Variants in RABGAP1 observed in about 807,000 individuals in gnomAD.
RABGAP1 encodes the protein RAB GTPase activating protein 1, also known as rab GTPase-activating protein 1.
RABGAP1 carries 23 observed loss-of-function variants against 137.6 expected under a neutral mutation model. The ratio of observed to expected loss-of-function variants is 0.17; its 90% CI spans 0.12 to 0.24. The LOEUF (loss-of-function observed/expected upper bound fraction) is 0.24. RABGAP1 is among the 10% of genes least tolerant of loss of function. The pLI, the probability that RABGAP1 is intolerant of heterozygous loss-of-function variation, is 1.00. For synonymous variants in RABGAP1, 451 were observed against 450.7 expected, an observed-to-expected ratio of 1.00 and a Z score of -0.01; for missense variants, 906 against 1,275.8, an observed-to-expected ratio of 0.71 and a Z score of 4.42.
At chr9:122,992,365 G>A (rs1216852579) in intron 6 of RABGAP1, among the ~76,000 whole-genome samples, 1 of 152,034 alleles carries the variant, frequency 6.6e-6, no homozygotes, top group Non-Finnish European at 1.5e-5. Context: ...AAATATTTAT[G>A]TAGTTTTGGT....
intron 10 of RABGAP1, 32 bp downstream of exon 10, chr9:122,998,798 G>T: frequency 2.9e-6 from 4 of 1,397,694 alleles, no homozygotes; most frequent in Non-Finnish European, 2.9e-6. Context: ...ATAGAAGGGG[G>T]AATAAGAAAG....
intron 21 of RABGAP1, among the ~76,000 whole-genome samples, chr9:123,095,992 T>C (rs1003590510): frequency 6.6e-6 from 1 of 152,206 alleles, no homozygotes; most frequent in Non-Finnish European, 1.5e-5. Context: ...TATAATCTAT[T>C]TGGGTGAATG....
intron 13 of RABGAP1, among the ~76,000 whole-genome samples, chr9:123,027,624 G>T (rs2032054237): frequency 6.6e-6 from 1 of 152,180 alleles, no homozygotes; most frequent in South Asian, 2.1e-4. Context: ...AATAAAAGGA[G>T]ATCGATTTAG....
chr9:123,063,356 GCTT>G (rs1360111696), intron 13 of RABGAP1: 1 of 152,660 alleles, frequency 6.6e-6, no homozygotes, highest in Non-Finnish European at 1.5e-5. Context: ...TAGGAATAAA[GCTT>G]CTGTAAACAT....
chr9:122,982,094 A>C (rs1253876362), intron 2 of RABGAP1, among the ~76,000 whole-genome samples: 1 of 152,154 alleles, frequency 6.6e-6, no homozygotes, highest in African/African-American at 2.4e-5. Flanking sequence ...CACAGGTAGT[A>C]ATTTGGAATT....
chr9:123,029,197 C>A (rs745412648), intron 13 of RABGAP1, among the ~76,000 whole-genome samples: 1 of 151,632 alleles, frequency 6.6e-6, no homozygotes, highest in African/African-American at 2.4e-5. Flanking sequence ...GAGATGAGGG[C>A]GAGGGAGGAA....
At chr9:123,036,839 T>C (rs567575988) in intron 13 of RABGAP1, among the ~76,000 whole-genome samples, 14 of 152,046 alleles carry the variant, frequency 9.2e-5, no homozygotes, top group Admixed American at 6.5e-5. Flanking sequence ...CCTGCCAAAG[T>C]ACTAGAAAAA....
chr9:123,042,767 A>T (rs633130), intron 13 of RABGAP1, among the ~76,000 whole-genome samples: 148,814 of 152,290 alleles, frequency 0.98, 72,807 homozygotes, highest in East Asian at 1. Context: ...GAAGAAATTA[A>T]TAAATATCAC....
intron 6 of RABGAP1, among the ~76,000 whole-genome samples, chr9:122,995,002 A>G (rs1170652776): frequency 1.3e-5 from 2 of 152,138 alleles, no homozygotes; most frequent in Non-Finnish European, 2.9e-5. Flanking sequence ...CTGTAATCCT[A>G]GGTATCCTGG....
intron 21 of RABGAP1, among the ~76,000 whole-genome samples, chr9:123,093,718 T>C (rs999707030): frequency 3.9e-5 from 6 of 152,248 alleles, no homozygotes; most frequent in Non-Finnish European, 8.8e-5. Flanking sequence ...TGTAGCTTTA[T>C]AATAAATCTT....
chr9:122,931,975 G>C, the RABGAP1 span, among the ~76,000 whole-genome samples: 1 of 152,134 alleles, frequency 6.6e-6, no homozygotes, highest in African/African-American at 2.4e-5. Flanking sequence ...CAGGGTTCTT[G>C]CCTTGGAGTT....
chr9:123,004,280 T>C (rs2030002590), intron 10 of RABGAP1, among the ~76,000 whole-genome samples: 1 of 152,204 alleles, frequency 6.6e-6, no homozygotes, highest in Non-Finnish European at 1.5e-5. Context: ...CCAAATATCC[T>C]GTATCTCAAC....
chr9:122,986,568 CTG>C (rs1588217199), intron 4 of RABGAP1, 149 bp downstream of exon 4: 1 of 876,564 alleles, frequency 1.1e-6, no homozygotes, highest in East Asian at 2.6e-5. Flanking sequence ...CTCCCAAGGA[CTG>C]TGACCTTTGT....
chr9:123,025,538 C>CTTTTATTT, intron 13 of RABGAP1, among the ~76,000 whole-genome samples: 1 of 24,964 alleles, frequency 4.0e-5, no homozygotes, highest in African/African-American at 9.0e-5. Flanking sequence ...TCAGATCTTT[C>CTTTTATTT]TTTTCTTTTT....
At chr9:123,093,689 A>G (rs1392220616) in intron 21 of RABGAP1, among the ~76,000 whole-genome samples, 1 of 152,234 alleles carries the variant, frequency 6.6e-6, no homozygotes, top group Non-Finnish European at 1.5e-5. Flanking sequence ...TTAAGCCAAT[A>G]CCACACTGTC....
chr9:123,002,067 C>T lies in RABGAP1; in HGVS notation c.1374+3301C>T, dbSNP rs185594733. ...TCTGTAATCCCAGCCTTTGGGAGGC[C>T]GAGGCTGGCGGATCACCTGAGGTTG... is the stretch of plus-strand genomic sequence containing the variant. On this transcript the variant is annotated intron_variant, in intron 10 of 25. Transcript: ENST00000373647. Among the ~76,000 whole-genome samples the T allele has an allele frequency of 1.0e-3, 152 of 152,066 alleles. 1 individual carries two copies. The highest frequency in any genetic ancestry group is 3.3e-3 in the African/African-American group (136 of 41,490).
chr9:122,951,298 A>C (rs1478669195), intron 1 of RABGAP1, among the ~76,000 whole-genome samples: 3 of 152,156 alleles, frequency 2.0e-5, no homozygotes, highest in African/African-American at 7.2e-5. Flanking sequence ...ACTTACTGGG[A>C]GGTGGTTTTG....
chr9:123,012,908 G>A (rs1050306492), intron 11 of RABGAP1, among the ~76,000 whole-genome samples: 1 of 152,202 alleles, frequency 6.6e-6, no homozygotes, highest in African/African-American at 2.4e-5. Flanking sequence ...TGCTGTGATT[G>A]TTTGCTTCCA....
chr9:123,002,625 ATTTTATTTTTAAAAATTTATT>A (rs1177018933), intron 10 of RABGAP1, among the ~76,000 whole-genome samples: 3 of 151,760 alleles, frequency 2.0e-5, no homozygotes, highest in African/African-American at 7.2e-5. Flanking sequence ...AATTTATTTA[ATTTTATTTTTAAAAATTTATT>A]TTTTATTTTT....
Sources: allele counts gnomAD v4.1 joint callset (sites outside exome capture counted in the v4.1 genomes callset), GRCh38; gene constraint gnomAD v4.1.1; transcripts MANE v1.5; gene names NCBI Gene and HGNC (gene_info 2026-07-23, HGNC 2026-07-21).